NFIX: variants seen among roughly 807,000 people sequenced by gnomAD.
NFIX encodes the protein nuclear factor 1 X-type.
A neutral mutation model predicts 53.3 loss-of-function variants in NFIX; 2 were observed. The observed-to-expected ratio is 0.04, with a 90% CI of 0.02 to 0.12. The LOEUF is 0.12. Among genes scored for constraint, NFIX ranks in the 10% least tolerant of loss-of-function variants. The probability of loss-of-function intolerance (pLI) is 1.00; values close to 1 mark genes in which losing one functional copy is unlikely to be tolerated. For synonymous variants in NFIX, 244 were observed against 289.0 expected, an observed-to-expected ratio of 0.84 and a Z score of 1.58; for missense variants, 310 against 674.5, an observed-to-expected ratio of 0.46 and a Z score of 5.99.
In NFIX at chr19:13,095,182, T is replaced by C; in HGVS notation, c.*533T>C. The C allele has an allele frequency of 6.9e-6, 1 of 145,890 alleles. No homozygotes were observed. The highest frequency in any genetic ancestry group is 2.5e-5 in the African/African-American group (1 of 39,298). 9.0% of individuals were successfully genotyped at this position (145,890 alleles called of 1,614,324 possible). On this transcript the variant is annotated 3_prime_UTR_variant, in exon 11 of 11. Transcript: ENST00000592199. ...GGCTCTCCCCTCCAGACTCCGCCCT[T>C]CCCTCCCTCCCTCCCTCCCTCCCTC...
chr19:13,088,673 TC>T lies in NFIX; in HGVS notation c.1402+542del, dbSNP rs1305640356. Among the ~76,000 whole-genome samples the T allele has an allele frequency of 7.9e-5, 12 of 151,060 alleles. No individual in the cohort carries two copies. The East Asian group carries it at 1.9e-3, about 24-fold the overall frequency. ...GACGCAGCAGGCCAGCCCGACCCCT[TC>T]CCCCTCAGTCTCACATTTGGTTTCT... On this transcript the variant is annotated intron_variant, in intron 9 of 10. Coordinates refer to ENST00000592199, the MANE Select transcript of NFIX (RefSeq NM_001365902.3). The surrounding 1 kb of genome is among the most constrained non-coding windows in gnomAD (Gnocchi z 5.9).
intron 1 of NFIX, among the ~76,000 whole-genome samples, chr19:13,004,261 C>A: frequency 6.6e-6 from 1 of 152,136 alleles, no homozygotes; most frequent in East Asian, 1.9e-4. Flanking sequence ...GTAACACACA[C>A]AGGCACAGCT....
chr19:12,997,272 A>G (rs2011503275), intron 1 of NFIX, among the ~76,000 whole-genome samples: 1 of 152,092 alleles, frequency 6.6e-6, no homozygotes, highest in African/African-American at 2.4e-5. Flanking sequence ...CACAGGTGAG[A>G]GTGTATGCAA....
At chr19:13,069,349 C>T (rs2016626561) in intron 2 of NFIX, among the ~76,000 whole-genome samples, 1 of 152,200 alleles carries the variant, frequency 6.6e-6, no homozygotes, top group South Asian at 2.1e-4. Flanking sequence ...ATCAGAGAGA[C>T]AGTCCTCGGG....
chr19:13,007,046 CGCTGCCCCTTTGCAGCCTGGAGCTCA>C (rs2012057032), intron 1 of NFIX, among the ~76,000 whole-genome samples: 1 of 152,150 alleles, frequency 6.6e-6, no homozygotes, highest in Non-Finnish European at 1.5e-5. Flanking sequence ...CTGCCTCTTC[CGCTGCCCCTTTGCAGCCTGGAGCTCA>C]GCAAGGATGC....
chr19:13,038,733 G>C (rs1263966730), intron 2 of NFIX, among the ~76,000 whole-genome samples: 1 of 152,226 alleles, frequency 6.6e-6, no homozygotes, highest in Admixed American at 6.5e-5. Flanking sequence ...TGCATAGCGT[G>C]GCCAACTGGG....
At position 13,013,056 on chromosome 19, in the gene NFIX, G is replaced by T. The variant is rs554969985; in HGVS notation, c.28-11965G>T. ...CTGCCTTCGGGCCGCGGGGAGTTGC[G>T]CAGACTCTAAAAAAAAAACCTTTAA... is the stretch of plus-strand genomic sequence containing the variant. On this transcript the variant is annotated intron_variant, in intron 1 of 10. Transcript: ENST00000592199. The surrounding 1 kb of genome is among the most constrained non-coding windows in gnomAD (Gnocchi z 5.9). Among the ~76,000 whole-genome samples the T allele has an allele frequency of 9.1e-5, 12 of 131,562 alleles. No individual in the cohort carries two copies. The East Asian group carries it at 3.3e-3, about 36-fold the overall frequency. 86.3% of individuals were successfully genotyped at this position (131,562 alleles called of 152,430 possible). A position where few individuals can be genotyped will look rare whatever the true frequency, so the allele number is the denominator to read the frequency against.
intron 2 of NFIX, among the ~76,000 whole-genome samples, chr19:13,032,179 T>C (rs551960816): frequency 2.9e-4 from 44 of 152,258 alleles, no homozygotes; most frequent in African/African-American, 1.0e-3. Context: ...AAATTTTTAT[T>C]TGGGTTGCTT....
intron 2 of NFIX, among the ~76,000 whole-genome samples, chr19:13,047,460 C>G (rs2015059812): frequency 6.6e-6 from 1 of 152,158 alleles, no homozygotes; most frequent in Admixed American, 6.5e-5. Flanking sequence ...CTCCTTGAAT[C>G]CATTTTGAGT....
intron 1 of NFIX, among the ~76,000 whole-genome samples, chr19:13,015,639 G>A (rs2145165322): frequency 6.6e-6 from 1 of 152,314 alleles, no homozygotes; most frequent in Non-Finnish European, 1.5e-5. Flanking sequence ...GGCGAGAGGA[G>A]GGGCCCTTGC....
chr19:13,084,558 A>G (rs2017660972), intron 8 of NFIX, among the ~76,000 whole-genome samples: 1 of 152,252 alleles, frequency 6.6e-6, no homozygotes, highest in African/African-American at 2.4e-5. Context: ...AGCCAAGGCC[A>G]TGTGGAGACA....
rs1186893812 is a variant in NFIX at position 13,022,637 on chromosome 19, T to C, written c.28-2384T>C. Among the ~76,000 whole-genome samples the C allele has an allele frequency of 1.4e-5, 2 of 146,212 alleles. No homozygotes were observed. The highest frequency in any genetic ancestry group is 3.0e-5 in the Non-Finnish European group (2 of 66,446). ...AAGAAATAGAAACAGAAAAAGAGAG[T>C]GTGCAGGCCCGAGAGAAAGACTGAA... is the stretch of plus-strand genomic sequence containing the variant. On this transcript the variant is annotated intron_variant, in intron 1 of 10. Transcript: ENST00000592199. This position sits in a 1 kb window ranked among gnomAD's most constrained non-coding sequence, Gnocchi z 4.5.
At chr19:13,057,478 C>CGGCTT (rs1264190031) in intron 2 of NFIX, among the ~76,000 whole-genome samples, 1 of 152,186 alleles carries the variant, frequency 6.6e-6, no homozygotes, top group Non-Finnish European at 1.5e-5. Flanking sequence ...GCTGCAGACT[C>CGGCTT]GGCTTTCGCT....
intron 2 of NFIX, among the ~76,000 whole-genome samples, chr19:13,069,635 C>A (rs1029214279): frequency 6.6e-6 from 1 of 152,180 alleles, no homozygotes; most frequent in African/African-American, 2.4e-5. Flanking sequence ...AGCGTGGAGA[C>A]TGAGTGGGAG....
At chr19:13,033,892 TG>T (rs1484905957) in intron 2 of NFIX, among the ~76,000 whole-genome samples, 1 of 152,248 alleles carries the variant, frequency 6.6e-6, no homozygotes, top group Admixed American at 6.5e-5. Context: ...TAGCTCGTTT[TG>T]TCAGCTGCCT....
chr19:13,062,841 G>A (rs947810718), intron 2 of NFIX, among the ~76,000 whole-genome samples: 1 of 152,184 alleles, frequency 6.6e-6, no homozygotes, highest in Non-Finnish European at 1.5e-5. Context: ...TGGGTACTGA[G>A]TGCTCTCTCA....
rs746205133 is a variant in NFIX, at chr19:13,090,138, C to T, written c.1403-161C>T. On this transcript the variant is annotated intron_variant, in intron 9 of 10. Coordinates refer to ENST00000592199, the MANE Select transcript of NFIX (RefSeq NM_001365902.3). This position sits in a 1 kb window ranked among gnomAD's most constrained non-coding sequence, Gnocchi z 6.6. ...GGGGGCAGGCTCGGAGCCTGGCCTTCAGCTCAGATGCCCCTCTGGCCCATC... is the reference window on the plus strand; with the variant it reads ...GGGGGCAGGCTCGGAGCCTGGCCTTTAGCTCAGATGCCCCTCTGGCCCATC... Among the ~76,000 whole-genome samples, 5 of 152,144 alleles carry T rather than the reference C, an allele frequency of 3.3e-5. No individual in the cohort carries two copies. The highest frequency in any genetic ancestry group is 7.4e-5 in the Non-Finnish European group (5 of 68,016).
At chr19:13,059,648 A>G (rs115864897) in intron 2 of NFIX, among the ~76,000 whole-genome samples, 4,810 of 151,348 alleles carry the variant, frequency 0.032, 82 homozygotes, top group Middle Eastern at 0.083. Context: ...TGGTCTAAGG[A>G]CTTTGGGGAA....
rs920439968 is a variant in NFIX, at chr19:13,057,487, C to T, written c.560-15560C>T. On this transcript the variant is annotated intron_variant, in intron 2 of 10. Transcript: ENST00000592199. ...CTACGAGCTGCAGACTCGGCTTTCG[C>T]TCCCACCAAGCCGGCTCCTGATGCC... 3.3e-5 allele frequency among the ~76,000 whole-genome samples: 5 copies of T among 152,310 alleles called. No homozygotes were observed. In the South Asian group the frequency reaches 8.3e-4, roughly 25 times the overall value.
Sources: allele counts gnomAD v4.1 joint callset (sites outside exome capture counted in the v4.1 genomes callset), GRCh38; gene constraint gnomAD v4.1.1; non-coding constraint Gnocchi (gnomAD v3.1); transcripts MANE v1.5; gene names NCBI Gene and HGNC (gene_info 2026-07-23, HGNC 2026-07-21).